The following FGGY variants were observed in gnomAD, a reference collection of about 807,000 sequenced individuals.
FGGY encodes FGGY carbohydrate kinase domain-containing protein.
In FGGY, 72 loss-of-function variants were observed where a neutral mutation model predicts 71.3. The ratio of observed to expected loss-of-function variants is 1.01; its 90% CI spans 0.84 to 1.23. FGGY has a LOEUF of 1.23. Among genes scored for constraint, FGGY ranks in the 50% most tolerant of loss-of-function variants. The pLI is 0.00. For missense variants in FGGY, 668 were observed against 682.3 expected, an observed-to-expected ratio of 0.98 and a Z score of 0.23; for synonymous variants, 251 against 250.3, an observed-to-expected ratio of 1.00 and a Z score of -0.02.
At chr1:59,737,754 A>G (rs1373150155) in intron 14 of FGGY, among the ~76,000 whole-genome samples, 2 of 152,284 alleles carry the variant, frequency 1.3e-5, no homozygotes, top group African/African-American at 4.8e-5. Context: ...TGGACTGTGG[A>G]CTTTTGAGTT....
intron 9 of FGGY, among the ~76,000 whole-genome samples, chr1:59,612,979 G>A (rs561126693): frequency 2.0e-5 from 3 of 152,298 alleles, no homozygotes; most frequent in East Asian, 3.9e-4. Context: ...CAATACAGGA[G>A]CACCCAGATT....
At chr1:59,707,797 A>C (rs570897994) in intron 14 of FGGY, among the ~76,000 whole-genome samples, 2 of 152,324 alleles carry the variant, frequency 1.3e-5, no homozygotes, top group African/African-American at 4.8e-5. Flanking sequence ...GACTCTTGAC[A>C]AATGGCTTTG....
chr1:59,747,311 G>A (rs1193469345), intron 14 of FGGY, among the ~76,000 whole-genome samples: 1 of 152,144 alleles, frequency 6.6e-6, no homozygotes, highest in Admixed American at 6.5e-5. Context: ...TTGCAGCCAG[G>A]CCATATATTA....
intron 5 of FGGY, among the ~76,000 whole-genome samples, chr1:59,437,888 G>C (rs2068826062): frequency 6.6e-6 from 1 of 152,204 alleles, no homozygotes. Flanking sequence ...CATGGCCTCT[G>C]ACCAGTCAGG....
chr1:59,382,995 A>T (rs1302518862), intron 5 of FGGY, among the ~76,000 whole-genome samples: 2 of 152,146 alleles, frequency 1.3e-5, no homozygotes, highest in African/African-American at 4.8e-5. Flanking sequence ...CACACGGTGG[A>T]CTAACAATAT....
intron 14 of FGGY, among the ~76,000 whole-genome samples, chr1:59,753,467 A>AATAT (rs57074120): frequency 0.026 from 1,241 of 47,650 alleles, 75 homozygotes; most frequent in Non-Finnish European, 0.034. Flanking sequence ...CATAACTTTA[A>AATAT]ATATATATAT....
chr1:59,600,586 T>C (rs1412352341), intron 8 of FGGY, among the ~76,000 whole-genome samples: 1 of 152,222 alleles, frequency 6.6e-6, no homozygotes, highest in Non-Finnish European at 1.5e-5. Flanking sequence ...CCCAGCTCTT[T>C]GGACACCAAA....
intron 9 of FGGY, among the ~76,000 whole-genome samples, chr1:59,617,098 G>C (rs1475466761): frequency 6.6e-6 from 1 of 152,052 alleles, no homozygotes; most frequent in Non-Finnish European, 1.5e-5. Context: ...ATTCCCGCTT[G>C]CATATGCACA....
chr1:59,481,436 C>G (rs144261618), intron 6 of FGGY, among the ~76,000 whole-genome samples: 161 of 152,216 alleles, frequency 1.1e-3, no homozygotes, highest in African/African-American at 3.7e-3. Flanking sequence ...TGGCCCTGTG[C>G]GAGTGCTTTC....
At chr1:59,473,586 G>A (rs559798976) in intron 6 of FGGY, among the ~76,000 whole-genome samples, 2 of 152,182 alleles carry the variant, frequency 1.3e-5, no homozygotes, top group Non-Finnish European at 2.9e-5. Context: ...GAGTGTGTGT[G>A]AACTGTTGGG....
chr1:59,478,516 C>T (rs1351440271), intron 6 of FGGY, among the ~76,000 whole-genome samples: 1 of 152,112 alleles, frequency 6.6e-6, no homozygotes, highest in East Asian at 1.9e-4. Flanking sequence ...ATGTCTGGAA[C>T]ATAGTAGGTA....
intron 2 of FGGY, among the ~76,000 whole-genome samples, chr1:59,332,561 A>G (rs1229036638): frequency 2.0e-5 from 3 of 152,110 alleles, no homozygotes; most frequent in Admixed American, 6.5e-5. Flanking sequence ...GGCTGGGGAA[A>G]TAGTAGTGGC....
intron 5 of FGGY, among the ~76,000 whole-genome samples, chr1:59,409,935 C>A (rs912360788): frequency 1.1e-4 from 17 of 152,254 alleles, no homozygotes; most frequent in African/African-American, 3.9e-4. Context: ...GACAGGAAAT[C>A]CCTGCAATAC....
At chr1:59,620,095 G>A (rs538441474) in intron 9 of FGGY, among the ~76,000 whole-genome samples, 8 of 152,064 alleles carry the variant, frequency 5.3e-5, no homozygotes, top group African/African-American at 1.4e-4. Context: ...GAGGGAGGAA[G>A]GAGTCAAGAA....
chr1:59,434,586 GA>G (rs1183755480), intron 5 of FGGY, among the ~76,000 whole-genome samples: 1 of 152,184 alleles, frequency 6.6e-6, no homozygotes, highest in African/African-American at 2.4e-5. Context: ...ATAAACAACG[GA>G]AATTATTTCT....
chr1:59,511,696 ACAT>A (rs768462050), intron 6 of FGGY, among the ~76,000 whole-genome samples: 1 of 152,214 alleles, frequency 6.6e-6, no homozygotes, highest in Non-Finnish European at 1.5e-5. Flanking sequence ...ACTCCAAAGA[ACAT>A]CATTCAAATT....
At chr1:59,426,962 CT>C (rs5774463) in intron 5 of FGGY, among the ~76,000 whole-genome samples, 31,335 of 151,810 alleles carry the variant, frequency 0.21, 3,226 homozygotes, top group African/African-American at 0.25. Flanking sequence ...GTTTTGAAAC[CT>C]TTTTCAGAGG....
intron 7 of FGGY, among the ~76,000 whole-genome samples, chr1:59,539,270 G>A (rs2095401842): frequency 6.6e-6 from 1 of 152,166 alleles, no homozygotes; most frequent in Non-Finnish European, 1.5e-5. Context: ...ATGGAAATTG[G>A]TAGACATCCT....
At chr1:59,414,449 C>T (rs1380433612) in intron 5 of FGGY, among the ~76,000 whole-genome samples, 1 of 152,178 alleles carries the variant, frequency 6.6e-6, no homozygotes. Flanking sequence ...TTTATCTTCT[C>T]CCTCTGGAAG....
Sources: allele counts gnomAD v4.1 joint callset (sites outside exome capture counted in the v4.1 genomes callset), GRCh38; gene constraint gnomAD v4.1.1; transcripts MANE v1.5; gene names NCBI Gene and HGNC (gene_info 2026-07-23, HGNC 2026-07-21).